Variants in GM2A observed in about 807,000 individuals in gnomAD.
GM2A encodes the protein ganglioside GM2 activator.
A neutral mutation model predicts 12.9 loss-of-function variants in GM2A; 7 were observed. The ratio of observed to expected loss-of-function variants is 0.54; its 90% CI spans 0.31 to 1.02. GM2A has a LOEUF of 1.02. Ranked by LOEUF, GM2A falls within the 50% of genes least tolerant of loss-of-function variation. GM2A has a pLI of 0.05. For synonymous variants in GM2A, 101 were observed against 96.0 expected (o/e 1.05, Z -0.30); for missense variants, 246 against 241.0 (o/e 1.02, Z -0.14).
At position 151,264,284 on chromosome 5, in the gene GM2A, A is replaced by G. The variant is rs186172791; in HGVS notation, c.244-2447A>G. Among the ~76,000 whole-genome samples the G allele has an allele frequency of 2.0e-4, 31 of 152,324 alleles. 1 individual carries two copies. The East Asian group carries it at 6.0e-3, about 29-fold the overall frequency. On this transcript the variant is annotated intron_variant, in intron 2 of 3. Transcript: ENST00000357164. ...ATGAGCCATCATTTGTAATTTCCAA[A>G]TGGTAGGTGTGGCTGCTGCCTTAGA...
At chr5:151,259,639 CG>C in intron 1 of GM2A, 115 bp from the exon 2 acceptor site, 2 of 842,720 alleles carry the variant, frequency 2.4e-6, no homozygotes, top group African/African-American at 1.7e-5. Context: ...GGCTCAGGGA[CG>C]GGGGTGCCTC....
Position 151,266,930 on chromosome 5 carries a change from G to A in GM2A, c.426+17G>A. The A allele has an allele frequency of 6.3e-7, 1 of 1,596,398 alleles. No homozygotes were observed. Among genetic ancestry groups the A allele is most frequent in the Non-Finnish European group, 8.6e-7 (1 of 1,164,114 alleles). ...TTCAAAGAAGTAAGTACTTAGGGAG[G>A]AGAGAGCGTTACCCCTGTGGCTAAA... On this transcript the variant is annotated intron_variant, in intron 3 of 3. Coordinates refer to ENST00000357164, the MANE Select transcript of GM2A (RefSeq NM_000405.5).
Position 151,266,830 on chromosome 5 carries a change from C to T in GM2A, c.343C>T (p.Leu115Phe). ...SCTFEHFCDV[L>F]DMLIPTGEPC... is the part of the protein sequence containing the mutation. ...TACCTTTGAACACTTCTGTGATGTG[C>T]TTGACATGTTAATTCCTACTGGGGA... The change falls in exon 3 of 4, where the codon CTT (leucine) becomes TTT (phenylalanine). Residue 115 changes from leucine to phenylalanine, a missense_variant. Transcript: ENST00000357164. 1.2e-6 allele frequency: 2 copies of T among 1,613,726 alleles called. No individual in the cohort carries two copies. The highest frequency in any genetic ancestry group is 1.7e-6 in the Non-Finnish European group (2 of 1,179,638).
At position 151,268,773 on chromosome 5, in the gene GM2A, A is replaced by AT. The variant is rs1255727986; in HGVS notation, c.*1329dup. ...CATTTTAAAAGATTGGCAGCTAATT[A>AT]TTTTTTTAAAAAGCTGTGCAGTGTG... On this transcript the variant is annotated 3_prime_UTR_variant, in exon 4 of 4. Coordinates refer to ENST00000357164, the MANE Select transcript of GM2A (RefSeq NM_000405.5). 1 of 718,132 alleles carries AT rather than the reference A, an allele frequency of 1.4e-6. No homozygotes were observed. Among genetic ancestry groups the AT allele is most frequent in the Non-Finnish European group, 1.7e-6 (1 of 586,052 alleles). The allele number at this position is 718,132 out of a possible 1,614,324, so 44.5% of individuals were successfully genotyped here.
At chr5:151,255,507 A>G (rs1262926076) in intron 1 of GM2A, among the ~76,000 whole-genome samples, 1 of 152,064 alleles carries the variant, frequency 6.6e-6, no homozygotes, top group East Asian at 1.9e-4. Context: ...TTGGCTTCTG[A>G]TCATTCCCCT....
intron 2 of GM2A, among the ~76,000 whole-genome samples, chr5:151,261,213 C>T (rs935587045): frequency 1.4e-4 from 22 of 152,042 alleles, no homozygotes; most frequent in African/African-American, 5.1e-4. Flanking sequence ...TTTATGGAGA[C>T]GGAGCCTCCC....
intron 1 of GM2A, among the ~76,000 whole-genome samples, chr5:151,257,443 G>T (rs1487674911): frequency 6.6e-6 from 1 of 152,014 alleles, no homozygotes; most frequent in African/African-American, 2.4e-5. Flanking sequence ...TCAATTCTCT[G>T]TGTGGATCAG....
intron 1 of GM2A, among the ~76,000 whole-genome samples, chr5:151,256,325 C>G (rs944434212): frequency 6.6e-6 from 1 of 152,034 alleles, no homozygotes; most frequent in African/African-American, 2.4e-5. Context: ...TGCAGCAGGG[C>G]GTGGTGGTTC....
intron 1 of GM2A, among the ~76,000 whole-genome samples, chr5:151,258,286 TG>T (rs1036950335): frequency 6.6e-6 from 1 of 152,230 alleles, no homozygotes; most frequent in African/African-American, 2.4e-5. Flanking sequence ...GTGTTGTGCC[TG>T]GCATTGGGTT....
At position 151,270,407 on chromosome 5, in the gene GM2A, G is replaced by A; in HGVS notation, c.*2956G>A. 1 of 398,466 alleles carries A rather than the reference G, an allele frequency of 2.5e-6. No individual in the cohort carries two copies. Among genetic ancestry groups the A allele is most frequent in the Non-Finnish European group, 4.4e-6 (1 of 226,048 alleles). The allele number at this position is 398,466 out of a possible 1,614,324, so 24.7% of individuals were successfully genotyped here. On this transcript the variant is annotated 3_prime_UTR_variant, in exon 4 of 4. Coordinates refer to ENST00000357164, the MANE Select transcript of GM2A (RefSeq NM_000405.5). Reference sequence around the variant, plus strand: ...AAACACAATAAAATCAAATGACTGGGAGAAAAATTTATCCAGCCTATATAA... The same window carrying A: ...AAACACAATAAAATCAAATGACTGGAAGAAAAATTTATCCAGCCTATATAA...
At chr5:151,261,464 G>A (rs375877776) in intron 2 of GM2A, among the ~76,000 whole-genome samples, 1 of 151,770 alleles carries the variant, frequency 6.6e-6, no homozygotes, top group African/African-American at 2.4e-5. Context: ...TTTGAGACAG[G>A]TTCTTACTCT....
chr5:151,253,536 C>T (rs1166119715), intron 1 of GM2A, among the ~76,000 whole-genome samples: 3 of 152,206 alleles, frequency 2.0e-5, no homozygotes, highest in African/African-American at 7.2e-5. Flanking sequence ...CTCTCCTGCC[C>T]TCCCTCCAAG....
intron 2 of GM2A, among the ~76,000 whole-genome samples, chr5:151,265,754 A>G (rs1315047456): frequency 6.6e-6 from 1 of 152,156 alleles, no homozygotes; most frequent in African/African-American, 2.4e-5. Flanking sequence ...GACAGTATGG[A>G]GGTGTGAAGT....
At chr5:151,265,584 G>A (rs1187763149) in intron 2 of GM2A, among the ~76,000 whole-genome samples, 7 of 152,222 alleles carry the variant, frequency 4.6e-5, no homozygotes, top group Admixed American at 3.3e-4. Context: ...TACCTTTGGT[G>A]GGTGATGGAC....
chr5:151,262,903 C>A (rs1040295104), intron 2 of GM2A, among the ~76,000 whole-genome samples: 2 of 152,110 alleles, frequency 1.3e-5, no homozygotes, highest in African/African-American at 4.8e-5. Context: ...GCTCTTCTGC[C>A]CTCAGCCTGC....
rs1404806600 is a variant in GM2A, at chr5:151,259,862, T to C, written c.189T>C (p.Asn63=). The C allele has an allele frequency of 6.2e-7, 1 of 1,613,654 alleles. No individual in the cohort carries two copies. Among genetic ancestry groups the C allele is most frequent in the African/African-American group, 1.3e-5 (1 of 74,886 alleles). ...LEPDPIIVPG[N]VTLSVMGSTS... ...CTGACCCCATCATCGTTCCTGGAAA[T>C]GTGACCCTCAGTGTCATGGGCAGCA... is the stretch of plus-strand genomic sequence containing the variant. Residue 63 remains asparagine (N), a synonymous_variant, in exon 2 of 4, where the codon AAT becomes AAC. Transcript: ENST00000357164.
chr5:151,270,150 G>A lies in GM2A; in HGVS notation c.*2699G>A, dbSNP rs183242789. On this transcript the variant is annotated 3_prime_UTR_variant, in exon 4 of 4. Transcript: ENST00000357164. ...TTAAAGGTGGCATCTTCAATCGCAG[G>A]TCAAAGCAGACTTTAATAAATGGTG... The A allele has an allele frequency of 8.5e-5, 104 of 1,220,094 alleles. No homozygotes were observed. Among genetic ancestry groups the A allele is most frequent in the Admixed American group, 2.6e-4 (6 of 23,374 alleles). 75.6% of individuals were successfully genotyped at this position (1,220,094 alleles called of 1,614,324 possible). A position where few individuals can be genotyped will look rare whatever the true frequency, so the allele number is the denominator to read the frequency against.
At chr5:151,259,517 A>G (rs1182906787) in intron 1 of GM2A, among the ~76,000 whole-genome samples, 1 of 152,136 alleles carries the variant, frequency 6.6e-6, no homozygotes, top group Admixed American at 6.5e-5. Context: ...CTTATAGTTT[A>G]CAATACACTT....
intron 2 of GM2A, among the ~76,000 whole-genome samples, chr5:151,266,067 G>A (rs899678519): frequency 6.6e-6 from 1 of 152,194 alleles, no homozygotes; most frequent in Non-Finnish European, 1.5e-5. Context: ...GGCCACGACT[G>A]GGCTCAGAAG....
Sources: gnomAD v4.1 joint callset for allele counts (sites outside exome capture counted in the v4.1 genomes callset) on GRCh38, gnomAD v4.1.1 for gene constraint, MANE v1.5 for transcripts, NCBI Gene and HGNC (gene_info 2026-07-23, HGNC 2026-07-21) for gene names.